CD99L2: variants seen among roughly 807,000 people sequenced by gnomAD.
CD99L2 encodes the protein CD99 molecule like 2, also known as CD99 antigen-like protein 2.
CD99L2 carries 24 observed loss-of-function variants against 27.3 expected under a neutral mutation model. The observed-to-expected ratio is 0.88, with a 90% CI of 0.64 to 1.24. The LOEUF (loss-of-function observed/expected upper bound fraction) is 1.24, where lower values mean the gene tolerates loss of function less well. CD99L2 is among the 50% of genes most tolerant of loss of function. The pLI is 0.00. For missense variants in CD99L2, 255 were observed against 221.6 expected (o/e 1.15, Z -0.96); for synonymous variants, 97 against 87.9 (o/e 1.10, Z -0.58).
At chrX:150,855,772 AG>A (rs1426297603) in intron 1 of CD99L2, among the ~76,000 whole-genome samples, 1 of 111,544 alleles carries the variant, frequency 9.0e-6, no homozygotes, top group Non-Finnish European at 1.9e-5. Flanking sequence ...AGGAACACCA[AG>A]GATCGCTACC....
At chrX:150,855,491 T>G (rs1557421713) in intron 1 of CD99L2, among the ~76,000 whole-genome samples, 1 of 110,775 alleles carries the variant, frequency 9.0e-6, no homozygotes. Flanking sequence ...AGGGGGGAAG[T>G]GCCACACACT....
Position 150,860,830 on chromosome X carries a change from A to G in CD99L2, c.68-29537T>C, listed in dbSNP as rs111414828. Among the ~76,000 whole-genome samples the G allele has an allele frequency of 3.6e-3, 398 of 111,691 alleles. 2 individuals carry two copies. The highest frequency in any genetic ancestry group is 0.012 in the African/African-American group (378 of 30,712). ...AGAGTACACAAACAAATGGAAAGAC[A>G]TTCCATGCTCATGGACTGAAAAAAT... is the stretch of plus-strand genomic sequence containing the variant. On this transcript the variant is annotated intron_variant, in intron 1 of 10. Coordinates refer to ENST00000370377, the MANE Select transcript of CD99L2 (RefSeq NM_031462.4).
At chrX:150,865,638 C>T (rs967031678) in intron 1 of CD99L2, among the ~76,000 whole-genome samples, 1 of 111,910 alleles carries the variant, frequency 8.9e-6, no homozygotes, top group Admixed American at 9.5e-5. Context: ...GGGCCTGGCC[C>T]ATCACAGTGA....
intron 4 of CD99L2, among the ~76,000 whole-genome samples, chrX:150,805,299 A>G (rs1338316743): frequency 9.0e-6 from 1 of 111,723 alleles, no homozygotes; most frequent in African/African-American, 3.3e-5. Context: ...AGCATAGAGC[A>G]GAATACTGGT....
intron 1 of CD99L2, among the ~76,000 whole-genome samples, chrX:150,839,191 G>A (rs1396463384): frequency 9.0e-6 from 1 of 111,587 alleles, no homozygotes; most frequent in Non-Finnish European, 1.9e-5. Context: ...AAAAGTTATG[G>A]CACTTAATAA....
intron 1 of CD99L2, among the ~76,000 whole-genome samples, chrX:150,857,965 T>C (rs1233773559): frequency 1.8e-5 from 2 of 112,089 alleles, no homozygotes; most frequent in African/African-American, 6.5e-5. Flanking sequence ...CCTGTAAAGA[T>C]ACATATAGAC....
At chrX:150,787,493 C>T (rs1478194793) in intron 7 of CD99L2, among the ~76,000 whole-genome samples, 1 of 110,977 alleles carries the variant, frequency 9.0e-6, no homozygotes, top group East Asian at 2.8e-4. Context: ...TCCTAACCAA[C>T]CCAAATGTCC....
intron 5 of CD99L2, 37 bp from the exon 6 acceptor site, chrX:150,795,326 A>C (rs1557419869): frequency 8.3e-7 from 1 of 1,207,055 alleles, no homozygotes; most frequent in Non-Finnish European, 1.1e-6. Flanking sequence ...ATACTCAATT[A>C]GTTCATCTAT....
intron 2 of CD99L2, among the ~76,000 whole-genome samples, chrX:150,820,610 C>T (rs1434899572): frequency 8.9e-6 from 1 of 111,745 alleles, no homozygotes; most frequent in Non-Finnish European, 1.9e-5. Flanking sequence ...GAATCAGCAA[C>T]AAGACAAGGA....
At chrX:150,876,300 T>A (rs782414982) in intron 1 of CD99L2, among the ~76,000 whole-genome samples, 1 of 112,157 alleles carries the variant, frequency 8.9e-6, no homozygotes, top group South Asian at 3.7e-4. Flanking sequence ...CGAAGAAGGG[T>A]GAAGTGAACC....
chrX:150,853,184 C>G (rs1431305334), intron 1 of CD99L2, among the ~76,000 whole-genome samples: 1 of 111,714 alleles, frequency 9.0e-6, no homozygotes, highest in Admixed American at 9.5e-5. Flanking sequence ...CGTAAGTGCA[C>G]CTAGACATAC....
intron 2 of CD99L2, among the ~76,000 whole-genome samples, chrX:150,824,483 GA>G (rs371521011): frequency 2.4e-4 from 19 of 79,941 alleles, no homozygotes; most frequent in African/African-American, 5.6e-4. Context: ...GAAGAAAGAA[GA>G]AAGAAGAAGA....
At chrX:150,783,015 T>C (rs185199554) in intron 7 of CD99L2, among the ~76,000 whole-genome samples, 519 of 110,131 alleles carry the variant, frequency 4.7e-3, no homozygotes, top group Non-Finnish European at 7.9e-3. Flanking sequence ...AGCCACACAA[T>C]GGAATATTCA....
chrX:150,886,053 C>G (rs969213471), intron 1 of CD99L2, among the ~76,000 whole-genome samples: 2 of 111,634 alleles, frequency 1.8e-5, no homozygotes, highest in Non-Finnish European at 3.8e-5. Flanking sequence ...AGGTATGTTC[C>G]TAGAGTTGCC....
In CD99L2 at chrX:150,816,059, G is replaced by A; in HGVS notation, c.150C>T (p.Thr50=). ...TTCCTGGCCTATTGGTTGTGGTGGTGGTGGTGTGGTCCCATGGCTCTAAAA... is the reference window on the plus strand; with the variant it reads ...TTCCTGGCCTATTGGTTGTGGTGGTAGTGGTGTGGTCCCATGGCTCTAAAA... ...SSVKQPWDHT[T]TTTTNRPGTT... is the part of the protein sequence containing the mutation. Residue 50 remains threonine (T), a synonymous_variant, in exon 3 of 11, where the codon ACC becomes ACT. Coordinates refer to ENST00000370377, the MANE Select transcript of CD99L2 (RefSeq NM_031462.4). 1.7e-6 allele frequency: 2 copies of A among 1,211,411 alleles called. No individual in the cohort carries two copies. Among genetic ancestry groups the A allele is most frequent in the Non-Finnish European group, 1.1e-6 (1 of 895,363 alleles).
chrX:150,782,142 T>C (rs1402575662), intron 7 of CD99L2, among the ~76,000 whole-genome samples: 3 of 112,596 alleles, frequency 2.7e-5, no homozygotes, highest in Admixed American at 9.4e-5. Flanking sequence ...ATAAGTGTTC[T>C]AGACTCTTCT....
intron 4 of CD99L2, among the ~76,000 whole-genome samples, chrX:150,799,235 T>C (rs1389949368): frequency 9.0e-6 from 1 of 110,573 alleles, no homozygotes; most frequent in Non-Finnish European, 1.9e-5. Context: ...CAGTGGCTCA[T>C]GCTTGTAATC....
At chrX:150,834,898 T>C (rs1401558179) in intron 1 of CD99L2, among the ~76,000 whole-genome samples, 1 of 112,503 alleles carries the variant, frequency 8.9e-6, no homozygotes, top group Non-Finnish European at 1.9e-5. Context: ...AATGGAGTAC[T>C]ATACATCCTT....
At position 150,766,339 on chromosome X, in the gene CD99L2, G is replaced by C. The variant is rs2043311670; in HGVS notation, c.*2695C>G. On this transcript the variant is annotated 3_prime_UTR_variant, in exon 11 of 11. Coordinates refer to ENST00000370377, the MANE Select transcript of CD99L2 (RefSeq NM_031462.4). ...TAACACCATCAGAAGACAAGAATCT[G>C]CTCGGTGCCATTTTATTTAATGCAA... The C allele has an allele frequency of 9.0e-6, 1 of 111,290 alleles. No homozygotes were observed. 9.2% of individuals were successfully genotyped at this position (111,290 alleles called of 1,213,427 possible). A position where few individuals can be genotyped will look rare whatever the true frequency, so the allele number is the denominator to read the frequency against.
Sources: gnomAD v4.1 joint callset for allele counts (sites outside exome capture counted in the v4.1 genomes callset) on GRCh38, gnomAD v4.1.1 for gene constraint, MANE v1.5 for transcripts, NCBI Gene and HGNC (gene_info 2026-07-23, HGNC 2026-07-21) for gene names.